The following FNDC1 variants were observed in gnomAD, a reference collection of about 807,000 sequenced individuals.
The protein encoded by FNDC1 is fibronectin type III domain-containing protein 1.
A neutral mutation model predicts 168.0 loss-of-function variants in FNDC1; 96 were observed. The observed-to-expected ratio is 0.57, with a 90% CI of 0.48 to 0.68. FNDC1 has a LOEUF of 0.68. Ranked by LOEUF, FNDC1 falls within the 30% of genes least tolerant of loss-of-function variation. The probability of loss-of-function intolerance (pLI) is 0.00; values close to 1 mark genes in which losing one functional copy is unlikely to be tolerated. For missense variants in FNDC1, 2,587 were observed against 2,482.1 expected (o/e 1.04, Z -0.90); for synonymous variants, 1,099 against 1,025.9 (o/e 1.07, Z -1.36).
intron 1 of FNDC1, among the ~76,000 whole-genome samples, chr6:159,184,831 G>A (rs1021333991): frequency 6.6e-6 from 1 of 152,032 alleles, no homozygotes; most frequent in Admixed American, 6.6e-5. Flanking sequence ...CTATTTCTTG[G>A]TTACAAATTG....
At chr6:159,180,706 C>T (rs1311952511) in intron 1 of FNDC1, among the ~76,000 whole-genome samples, 1 of 152,106 alleles carries the variant, frequency 6.6e-6, no homozygotes. Context: ...TTGTTCAGCT[C>T]CTACTTATAA....
chr6:159,238,597 G>A lies in FNDC1; in HGVS notation c.4112G>A (p.Arg1371Lys), dbSNP rs1783323801. The change falls in exon 13 of 23, where the codon AGG becomes AAG. Residue 1371 changes from arginine to lysine, a missense_variant. Arg to Lys is a conservative substitution (Grantham distance 26). Coordinates refer to ENST00000297267, the MANE Select transcript of FNDC1 (RefSeq NM_032532.3). ...DRGLVLNAEGRYLQDSHGNPL... is the reference protein window; with the variant it reads ...DRGLVLNAEGKYLQDSHGNPL... ...GGGTTAGTATTGAATGCAGAAGGAA[G>A]GTACCTCCAAGATTCACATGGAAAT... 1 of 1,612,040 alleles carries A rather than the reference G, an allele frequency of 6.2e-7. No homozygotes were observed. The highest frequency in any genetic ancestry group is 1.3e-5 in the African/African-American group (1 of 74,930).
At chr6:159,195,488 G>A (rs1477600829) in intron 1 of FNDC1, among the ~76,000 whole-genome samples, 1 of 152,094 alleles carries the variant, frequency 6.6e-6, no homozygotes, top group Non-Finnish European at 1.5e-5. Flanking sequence ...AGTGGATATG[G>A]TCATCGATCA....
intron 17 of FNDC1, among the ~76,000 whole-genome samples, chr6:159,254,796 C>A (rs1453264077): frequency 2.0e-5 from 3 of 151,848 alleles, no homozygotes; most frequent in Non-Finnish European, 4.4e-5. Context: ...TTTCCCATTT[C>A]AGAGAACTGT....
chr6:159,236,194 T>G, intron 11 of FNDC1, 21 bp from the exon 12 acceptor site: 1 of 1,579,212 alleles, frequency 6.3e-7, no homozygotes. Flanking sequence ...CTCTGTTATT[T>G]TTATTTTTGG....
At position 159,239,838 on chromosome 6, in the gene FNDC1, C is replaced by A; in HGVS notation, c.4502C>A (p.Thr1501Asn). 2 of 1,546,188 alleles carry A rather than the reference C, an allele frequency of 1.3e-6. No homozygotes were observed. The highest frequency in any genetic ancestry group is 1.8e-6 in the Non-Finnish European group (2 of 1,142,500). The change falls in exon 14 of 23, where the codon ACC becomes AAC. Residue 1501 changes from threonine (T) to asparagine (N), a missense_variant. Coordinates refer to ENST00000297267, the MANE Select transcript of FNDC1 (RefSeq NM_032532.3). ...VRTTTRTTTT[T>N]TPTPTTPIPT... ...ACCACTACGCGGACAACCACCACCACCACCCCCACACCCACCACTCCCATC... is the reference window on the plus strand; with the variant it reads ...ACCACTACGCGGACAACCACCACCAACACCCCCACACCCACCACTCCCATC...
rs533291212 is a variant in FNDC1 at position 159,223,672 on chromosome 6, A to G, written c.884+27A>G. 4 of 1,437,450 alleles carry G rather than the reference A, an allele frequency of 2.8e-6. No homozygotes were observed. In the South Asian group the frequency reaches 4.7e-5, roughly 17 times the overall value. The allele number at this position is 1,437,450 out of a possible 1,614,324, so 89.0% of individuals were successfully genotyped here. A position where few individuals can be genotyped will look rare whatever the true frequency, so the allele number is the denominator to read the frequency against. On this transcript the variant is annotated intron_variant, in intron 7 of 22. Coordinates refer to ENST00000297267, the MANE Select transcript of FNDC1 (RefSeq NM_032532.3). ...TACTTTTGCTTATTTATTTGTCTTT[A>G]TATATGAGAGATGGGGTTTTTCTGG...
intron 21 of FNDC1, among the ~76,000 whole-genome samples, chr6:159,267,087 G>C (rs935999553): frequency 6.6e-6 from 1 of 151,784 alleles, no homozygotes; most frequent in East Asian, 1.9e-4. Context: ...ATATATTTTG[G>C]GCATTTTTTG....
intron 1 of FNDC1, among the ~76,000 whole-genome samples, chr6:159,175,689 G>A (rs894331893): frequency 1.3e-5 from 2 of 152,214 alleles, no homozygotes; most frequent in African/African-American, 4.8e-5. Context: ...TCACTGTGGG[G>A]AAGCCCCCTT....
At chr6:159,199,893 G>A (rs294923) in intron 2 of FNDC1, 103 bp from the exon 3 acceptor site, 246,719 of 959,764 alleles carry the variant, frequency 0.26, 35,689 homozygotes, top group East Asian at 0.66. Context: ...TTTGTATTTG[G>A]TTATAACTGG....
At chr6:159,254,513 C>T (rs1178329105) in intron 17 of FNDC1, among the ~76,000 whole-genome samples, 2 of 152,202 alleles carry the variant, frequency 1.3e-5, no homozygotes, top group East Asian at 3.9e-4. Flanking sequence ...CAGACTCATC[C>T]TGGCTAACAT....
intron 5 of FNDC1, among the ~76,000 whole-genome samples, chr6:159,220,331 G>A (rs1269877202): frequency 3.9e-5 from 6 of 152,222 alleles, no homozygotes; most frequent in South Asian, 2.1e-4. Context: ...AGGAGAGTGC[G>A]TGCTCTCAGC....
At chr6:159,181,071 T>C (rs1484159110) in intron 1 of FNDC1, among the ~76,000 whole-genome samples, 1 of 152,174 alleles carries the variant, frequency 6.6e-6, no homozygotes, top group Non-Finnish European at 1.5e-5. Flanking sequence ...TCTTCCACAA[T>C]GGTTGAACTA....
chr6:159,189,499 C>T (rs1583857791), intron 1 of FNDC1, among the ~76,000 whole-genome samples: 1 of 152,128 alleles, frequency 6.6e-6, no homozygotes. Flanking sequence ...GGATTGGCTT[C>T]CTTATAGAGA....
chr6:159,205,900 AT>A (rs1782477248), intron 4 of FNDC1, among the ~76,000 whole-genome samples: 1 of 152,254 alleles, frequency 6.6e-6, no homozygotes, highest in Non-Finnish European at 1.5e-5. Flanking sequence ...TAATTTCTGC[AT>A]TTTGAGAATG....
At chr6:159,214,467 T>C (rs925639016) in intron 4 of FNDC1, among the ~76,000 whole-genome samples, 3 of 152,284 alleles carry the variant, frequency 2.0e-5, no homozygotes, top group Non-Finnish European at 4.4e-5. Context: ...GGACCCAAAA[T>C]AGAAATCAGT....
intron 18 of FNDC1, among the ~76,000 whole-genome samples, chr6:159,259,783 C>A (rs1437021236): frequency 6.6e-6 from 1 of 152,174 alleles, no homozygotes; most frequent in East Asian, 1.9e-4. Context: ...TTGTGCATAT[C>A]TTTTTATTTA....
At chr6:159,261,138 C>A in intron 18 of FNDC1, 52 bp from the exon 19 acceptor site, 2 of 1,437,872 alleles carry the variant, frequency 1.4e-6, no homozygotes, top group Non-Finnish European at 1.9e-6. Flanking sequence ...TGTTTTGTTA[C>A]ACAGAAATCA....
chr6:159,225,377 T>C (rs926431941), intron 7 of FNDC1, among the ~76,000 whole-genome samples, 158 bp from the exon 8 acceptor site: 6 of 152,138 alleles, frequency 3.9e-5, no homozygotes, highest in Non-Finnish European at 8.8e-5. Flanking sequence ...GCTTGGAACT[T>C]TGAGCCAATA....
Sources: allele counts gnomAD v4.1 joint callset (sites outside exome capture counted in the v4.1 genomes callset), GRCh38; gene constraint gnomAD v4.1.1; transcripts MANE v1.5; gene names NCBI Gene and HGNC (gene_info 2026-07-23, HGNC 2026-07-21).